The following LYZL1 variants were observed in gnomAD, a reference collection of about 807,000 sequenced individuals.
LYZL1 encodes lysozyme like 1, also known as lysozyme-like protein 1.
In LYZL1, 16 loss-of-function variants were observed where a neutral mutation model predicts 17.9. That is an observed-to-expected ratio of 0.90 (90% confidence interval 0.61 to 1.36). LYZL1 has a LOEUF of 1.36. Ranked by LOEUF, LYZL1 falls within the 40% of genes most tolerant of loss-of-function variation. The pLI, the probability that LYZL1 is intolerant of heterozygous loss-of-function variation, is 0.00. For missense variants in LYZL1, 149 were observed against 188.4 expected (o/e 0.79, Z 1.22); for synonymous variants, 58 against 71.8 (o/e 0.81, Z 0.97).
At chr10:29,299,335 C>T (rs1179861228) in intron 3 of LYZL1, among the ~76,000 whole-genome samples, 1 of 151,846 alleles carries the variant, frequency 6.6e-6, no homozygotes, top group Non-Finnish European at 1.5e-5. Flanking sequence ...GGTTTCAGAC[C>T]TCTAATATGT....
At chr10:29,293,274 C>T (rs989450416) in intron 3 of LYZL1, among the ~76,000 whole-genome samples, 5 of 151,690 alleles carry the variant, frequency 3.3e-5, no homozygotes, top group East Asian at 1.9e-4. Context: ...TATAGGCACA[C>T]GCCCGGCTAT....
chr10:29,295,844 G>A (rs1483430544), intron 3 of LYZL1, among the ~76,000 whole-genome samples: 2 of 152,138 alleles, frequency 1.3e-5, no homozygotes, highest in Non-Finnish European at 2.9e-5. Context: ...GGGTGTGAGT[G>A]GTCCCTAGAA....
chr10:29,307,915 A>C (rs1835617559), intron 3 of LYZL1, among the ~76,000 whole-genome samples: 1 of 152,204 alleles, frequency 6.6e-6, no homozygotes, highest in African/African-American at 2.4e-5. Flanking sequence ...TTGGTTTCCT[A>C]AGACGTTGAA....
chr10:29,301,585 G>A (rs1310954819), intron 3 of LYZL1, among the ~76,000 whole-genome samples: 6 of 151,944 alleles, frequency 3.9e-5, no homozygotes, highest in African/African-American at 1.5e-4. Flanking sequence ...TATGTAATAT[G>A]TCTTTTTTAT....
At chr10:29,298,240 G>A (rs1489693700) in intron 3 of LYZL1, among the ~76,000 whole-genome samples, 3 of 152,212 alleles carry the variant, frequency 2.0e-5, no homozygotes, top group Admixed American at 6.5e-5. Context: ...GGAATGGAAA[G>A]AGAACTATGA....
intron 3 of LYZL1, among the ~76,000 whole-genome samples, chr10:29,306,549 C>CAAAA (rs58001118): frequency 2.9e-4 from 14 of 48,804 alleles, no homozygotes; most frequent in South Asian, 8.5e-4. Flanking sequence ...GACTCCGTCT[C>CAAAA]AAAAAAAAAA....
chr10:29,292,372 C>T, intron 2 of LYZL1, 147 bp from the exon 3 acceptor site: 2 of 1,258,256 alleles, frequency 1.6e-6, no homozygotes, highest in Non-Finnish European at 2.2e-6. Context: ...CCTCGTGTGC[C>T]CCCTGGGCGC....
At chr10:29,307,776 A>G (rs1835615457) in intron 3 of LYZL1, among the ~76,000 whole-genome samples, 1 of 152,210 alleles carries the variant, frequency 6.6e-6, no homozygotes, top group Non-Finnish European at 1.5e-5. Flanking sequence ...AAATAAAACT[A>G]GAGTAAACCA....
At chr10:29,295,995 G>T (rs1208572691) in intron 3 of LYZL1, among the ~76,000 whole-genome samples, 1 of 152,138 alleles carries the variant, frequency 6.6e-6, no homozygotes, top group Non-Finnish European at 1.5e-5. Flanking sequence ...AAACAGACCT[G>T]TCAGCACTTT....
chr10:29,289,419 T>A (rs1835330793), intron 1 of LYZL1, among the ~76,000 whole-genome samples, 189 bp downstream of exon 1: 1 of 69,766 alleles, frequency 1.4e-5, no homozygotes, highest in East Asian at 3.1e-4. Flanking sequence ...TTTCTTTTCT[T>A]TTTTTTTTTT....
chr10:29,302,418 C>G (rs750426015), intron 3 of LYZL1, among the ~76,000 whole-genome samples: 14 of 92,758 alleles, frequency 1.5e-4, no homozygotes, highest in Middle Eastern at 5.6e-3. Context: ...AAGGCCGGCA[C>G]GAGGGATGCT....
chr10:29,317,946 T>TAAA (rs397801860), intron 4 of LYZL1, among the ~76,000 whole-genome samples: 4,990 of 143,380 alleles, frequency 0.035, 142 homozygotes, highest in South Asian at 0.079. Context: ...CCTGTCTCTT[T>TAAA]AAAAAAAAAA....
chr10:29,291,447 C>T (rs562211321), intron 1 of LYZL1, among the ~76,000 whole-genome samples: 16 of 151,114 alleles, frequency 1.1e-4, no homozygotes, highest in Non-Finnish European at 2.4e-4. Flanking sequence ...GATAAATGGA[C>T]CCACGCAGTT....
At chr10:29,292,857 C>T (rs10763702) in intron 3 of LYZL1, among the ~76,000 whole-genome samples, 180 bp downstream of exon 3, 45,355 of 152,100 alleles carry the variant, frequency 0.3, 8,001 homozygotes, top group East Asian at 0.53. Flanking sequence ...CTGTGGCTGA[C>T]TTCTCCAAAG....
chr10:29,309,440 A>T (rs940611277), intron 3 of LYZL1, among the ~76,000 whole-genome samples: 5 of 152,244 alleles, frequency 3.3e-5, no homozygotes, highest in African/African-American at 1.2e-4. Context: ...ACCTCCAAAG[A>T]GAACTTATAT....
At chr10:29,292,462 A>C in intron 2 of LYZL1, 57 bp from the exon 3 acceptor site, 1 of 1,592,414 alleles carries the variant, frequency 6.3e-7, no homozygotes, top group Non-Finnish European at 8.5e-7. Context: ...CCTCAGACCA[A>C]GCTTAGAGCA....
At chr10:29,289,972 G>A (rs560573882) in intron 1 of LYZL1, among the ~76,000 whole-genome samples, 36 of 152,228 alleles carry the variant, frequency 2.4e-4, no homozygotes, top group Non-Finnish European at 3.4e-4. Flanking sequence ...GTTTGCCCAC[G>A]CTTGCTATTC....
chr10:29,311,507 A>C (rs896992861), downstream of LYZL1, among the ~76,000 whole-genome samples: 11 of 152,186 alleles, frequency 7.2e-5, no homozygotes, highest in African/African-American at 2.7e-4. Flanking sequence ...CCGTCTATGC[A>C]TGCCCACCCA....
At position 29,292,580 on chromosome 10, in the gene LYZL1, C is replaced by T. The variant is rs141824789; in HGVS notation, c.201C>T (p.Asp67=). ...YNTTAQTVLD[D]GSIDYGIFQI... ...CCACAGCCCAGACGGTCCTGGATGA[C>T]GGCAGCATCGACTATGGCATCTTCC... The change falls in exon 3 of 5, where the codon GAC becomes GAT. Residue 67 remains aspartate, a synonymous_variant. Coordinates refer to ENST00000649382, the MANE Select transcript of LYZL1 (RefSeq NM_032517.6). 5.3e-5 allele frequency: 86 copies of T among 1,614,248 alleles called. No homozygotes were observed. Among genetic ancestry groups the T allele is most frequent in the Admixed American group, 1.7e-4 (10 of 60,032 alleles).
Sources: gnomAD v4.1 joint callset for allele counts (sites outside exome capture counted in the v4.1 genomes callset) on GRCh38, gnomAD v4.1.1 for gene constraint, MANE v1.5 for transcripts, NCBI Gene and HGNC (gene_info 2026-07-23, HGNC 2026-07-21) for gene names.